The following SLAMF7 variants were observed in gnomAD, a reference collection of about 807,000 sequenced individuals.
The protein encoded by SLAMF7 is SLAM family member 7.
In SLAMF7, 26 loss-of-function variants were observed where a neutral mutation model predicts 34.1. The observed-to-expected ratio is 0.76, with a 90% CI of 0.56 to 1.06. The LOEUF is 1.06. Among genes scored for constraint, SLAMF7 ranks in the 50% least tolerant of loss-of-function variants. SLAMF7 has a pLI of 0.00. For synonymous variants in SLAMF7, 171 were observed against 156.4 expected (o/e 1.09, Z -0.70); for missense variants, 399 against 402.5 (o/e 0.99, Z 0.07).
intron 1 of SLAMF7, among the ~76,000 whole-genome samples, 185 bp from the exon 2 acceptor site, chr1:160,748,009 A>G (rs1328422512): frequency 1.3e-5 from 2 of 152,184 alleles, no homozygotes; most frequent in Non-Finnish European, 1.5e-5. Flanking sequence ...TAATGCTTCC[A>G]TGTGAGCACT....
intron 1 of SLAMF7, among the ~76,000 whole-genome samples, chr1:160,746,108 C>T (rs1427559597): frequency 6.6e-6 from 1 of 152,168 alleles, no homozygotes; most frequent in African/African-American, 2.4e-5. Context: ...TGGTCAGTCT[C>T]ACAGGGCCAA....
chr1:160,743,814 G>A (rs964760872), intron 1 of SLAMF7, among the ~76,000 whole-genome samples: 4 of 152,122 alleles, frequency 2.6e-5, no homozygotes, highest in Non-Finnish European at 4.4e-5. Flanking sequence ...TCAGCCTCTC[G>A]AGTATCTGGG....
At chr1:160,745,723 G>GT (rs1332281818) in intron 1 of SLAMF7, among the ~76,000 whole-genome samples, 1 of 152,152 alleles carries the variant, frequency 6.6e-6, no homozygotes, top group African/African-American at 2.4e-5. Context: ...CAGTACAATT[G>GT]TATTTACAAA....
rs1011089734 is a variant in SLAMF7, at chr1:160,754,295, T to A, written c.*1118T>A. The A allele has an allele frequency of 6.6e-6, 1 of 152,074 alleles. No homozygotes were observed. The allele number at this position is 152,074 out of a possible 1,614,324, so 9.4% of individuals were successfully genotyped here. A position where few individuals can be genotyped will look rare whatever the true frequency, so the allele number is the denominator to read the frequency against. On this transcript the variant is annotated 3_prime_UTR_variant, in exon 7 of 7. Coordinates refer to ENST00000368043, the MANE Select transcript of SLAMF7 (RefSeq NM_021181.5). ...GGTGAAACCCCATCTCTACTAAAGA[T>A]ACAAAAATTTGCTGAGCGTGGTGGT...
At position 160,752,219 on chromosome 1, in the gene SLAMF7, G is replaced by T. The variant is rs759737625; in HGVS notation, c.907G>T (p.Val303Phe). Reference sequence around the variant, plus strand: ...CCTAAAGGAAGATCCAGCAAATACGGTTTACTCCACTGTGGAAATACCGAA... The same window carrying T: ...CCTAAAGGAAGATCCAGCAAATACGTTTTACTCCACTGTGGAAATACCGAA... ...TILKEDPANT[V>F]YSTVEIPKKM... The change falls in exon 6 of 7, where the codon GTT (valine) becomes TTT (phenylalanine). Residue 303 changes from valine (V) to phenylalanine (F), a missense_variant. Physicochemically the swap from Val to Phe is conservative, Grantham distance 50. Coordinates refer to ENST00000368043, the MANE Select transcript of SLAMF7 (RefSeq NM_021181.5). 6.8e-6 allele frequency: 11 copies of T among 1,613,174 alleles called. No homozygotes were observed. The African/African-American group carries it at 1.1e-4, about 16-fold the overall frequency.
chr1:160,749,967 C>T lies in SLAMF7; in HGVS notation c.523C>T (p.His175Tyr), dbSNP rs35325048. The T allele has an allele frequency of 5.4e-3, 8,787 of 1,614,094 alleles. 440 individuals carry two copies. In the African/African-American group the frequency reaches 0.1, roughly 19 times the overall value. Residue 175 changes from histidine to tyrosine, a missense_variant, in exon 3 of 7, where the codon CAT becomes TAT. Coordinates refer to ENST00000368043, the MANE Select transcript of SLAMF7 (RefSeq NM_021181.5). The stretch of plus-strand genomic sequence containing the variant: ...CCTGGGGCAAGCAGCCAATGAGTCC[C>T]ATAATGGGTCCATCCTCCCCATCTC... Reference protein sequence around the residue: ...KALGQAANESHNGSILPISWR... With the variant: ...KALGQAANESYNGSILPISWR...
In SLAMF7 at chr1:160,753,259, T is replaced by C. The variant is rs2295619; in HGVS notation, c.*82T>C. The C allele has an allele frequency of 9.2e-3, 11,074 of 1,202,382 alleles. 278 individuals are homozygous for C. The highest frequency in any genetic ancestry group is 0.052 in the East Asian group (2,215 of 42,298). 74.5% of individuals were successfully genotyped at this position (1,202,382 alleles called of 1,614,324 possible). A position where few individuals can be genotyped will look rare whatever the true frequency, so the allele number is the denominator to read the frequency against. ...GAAAACAATCAGAAGAATTCACTGATTTGACTAGAAACATCAAGGAAGAAT... is the reference window on the plus strand; with the variant it reads ...GAAAACAATCAGAAGAATTCACTGACTTGACTAGAAACATCAAGGAAGAAT... On this transcript the variant is annotated 3_prime_UTR_variant, in exon 7 of 7. Coordinates refer to ENST00000368043, the MANE Select transcript of SLAMF7 (RefSeq NM_021181.5).
chr1:160,742,592 T>A (rs1663833057), intron 1 of SLAMF7, among the ~76,000 whole-genome samples: 1 of 152,194 alleles, frequency 6.6e-6, no homozygotes, highest in Non-Finnish European at 1.5e-5. Context: ...TGCTTTCAAA[T>A]CTGTATTCAC....
At chr1:160,741,881 G>A (rs1015692095) in intron 1 of SLAMF7, among the ~76,000 whole-genome samples, 3 of 152,154 alleles carry the variant, frequency 2.0e-5, no homozygotes, top group African/African-American at 4.8e-5. Flanking sequence ...CTGTGAAATG[G>A]GATTGGACTA....
chr1:160,748,011 G>GTGAGT (rs1398308800), intron 1 of SLAMF7, among the ~76,000 whole-genome samples, 183 bp from the exon 2 acceptor site: 11 of 152,162 alleles, frequency 7.2e-5, no homozygotes, highest in Non-Finnish European at 4.4e-5. Flanking sequence ...ATGCTTCCAT[G>GTGAGT]TGAGCACTTA....
intron 6 of SLAMF7, 23 bp from the exon 7 acceptor site, chr1:160,753,083 A>G: frequency 1.2e-6 from 2 of 1,610,774 alleles, no homozygotes; most frequent in Non-Finnish European, 1.7e-6. Flanking sequence ...CCCTCACTCT[A>G]CTTTCTTTTT....
At chr1:160,740,875 A>G (rs1256125314) in intron 1 of SLAMF7, among the ~76,000 whole-genome samples, 1 of 152,198 alleles carries the variant, frequency 6.6e-6, no homozygotes, top group Non-Finnish European at 1.5e-5. Flanking sequence ...TTCTTGGGCA[A>G]GATAACACAG....
At chr1:160,747,015 C>A (rs972842538) in intron 1 of SLAMF7, among the ~76,000 whole-genome samples, 1 of 152,150 alleles carries the variant, frequency 6.6e-6, no homozygotes, top group Non-Finnish European at 1.5e-5. Flanking sequence ...AAAGTCCTCA[C>A]TGAAGATAGC....
chr1:160,749,775 G>T, intron 2 of SLAMF7, 46 bp from the exon 3 acceptor site: 1 of 1,476,660 alleles, frequency 6.8e-7, no homozygotes, highest in Admixed American at 2.2e-5. Context: ...AGAGAATGGA[G>T]AGCTATAGGC....
At chr1:160,749,546 T>C (rs780630011) in intron 2 of SLAMF7, among the ~76,000 whole-genome samples, 11 of 152,254 alleles carry the variant, frequency 7.2e-5, no homozygotes, top group Non-Finnish European at 1.5e-4. Flanking sequence ...GTGCTTGCCA[T>C]GTGGCTATGC....
At chr1:160,741,803 C>T (rs571574420) in intron 1 of SLAMF7, among the ~76,000 whole-genome samples, 7 of 152,308 alleles carry the variant, frequency 4.6e-5, no homozygotes, top group Admixed American at 1.3e-4. Context: ...GGAGCCTTGG[C>T]TCCTAATCCT....
rs758903158 is a variant in SLAMF7, at chr1:160,749,987, C to A, written c.543C>A (p.Pro181=). The change falls in exon 3 of 7, where the codon CCC becomes CCA. Residue 181 remains proline, a synonymous_variant. Transcript: ENST00000368043. ...ANESHNGSIL[P]ISWRWGESDM... ...AGTCCCATAATGGGTCCATCCTCCCCATCTCCTGGAGATGGGGAGAAAGTG... is the reference window on the plus strand; with the variant it reads ...AGTCCCATAATGGGTCCATCCTCCCAATCTCCTGGAGATGGGGAGAAAGTG... The A allele has an allele frequency of 1.4e-5, 22 of 1,614,126 alleles. No individual in the cohort carries two copies. The East Asian group carries it at 3.3e-4, about 25-fold the overall frequency.
upstream of SLAMF7, chr1:160,739,134 G>A (rs1385530116): frequency 1.0e-5 from 7 of 671,716 alleles, no homozygotes; most frequent in African/African-American, 1.1e-4. Context: ...ATTGCTGGTG[G>A]CAAGGTAAAA....
At chr1:160,740,453 G>A (rs573702) in intron 1 of SLAMF7, among the ~76,000 whole-genome samples, 79,018 of 151,874 alleles carry the variant, frequency 0.52, 21,421 homozygotes, top group East Asian at 0.85. Flanking sequence ...CTGCCATGCA[G>A]GTCCCCCTCT....
Sources: allele counts gnomAD v4.1 joint callset (sites outside exome capture counted in the v4.1 genomes callset), GRCh38; gene constraint gnomAD v4.1.1; transcripts MANE v1.5; gene names NCBI Gene and HGNC (gene_info 2026-07-23, HGNC 2026-07-21).